MAGI2: variants seen among roughly 807,000 people sequenced by gnomAD.
MAGI2 encodes the protein membrane-associated guanylate kinase, WW and PDZ domain-containing protein 2.
MAGI2 carries 35 observed loss-of-function variants against 133.3 expected under a neutral mutation model. That is an observed-to-expected ratio of 0.26 (90% CI 0.20 to 0.35). The LOEUF is 0.35. MAGI2 is among the 10% of genes least tolerant of loss of function. MAGI2 has a pLI of 1.00. For synonymous variants in MAGI2, 729 were observed against 710.6 expected (o/e 1.03, Z -0.41); for missense variants, 1,636 against 1,863.4 (o/e 0.88, Z 2.25).
At chr7:79,058,908 C>T (rs1813438289) in intron 1 of MAGI2, among the ~76,000 whole-genome samples, 1 of 151,898 alleles carries the variant, frequency 6.6e-6, no homozygotes. Context: ...AGATAAGGGA[C>T]AAATAATAGC....
chr7:78,948,284 T>C (rs1801594667), intron 2 of MAGI2, among the ~76,000 whole-genome samples: 1 of 152,094 alleles, frequency 6.6e-6, no homozygotes, highest in South Asian at 2.1e-4. Flanking sequence ...ATTATTTTAA[T>C]GCAACTTTTA....
At chr7:78,178,374 A>G (rs1826863874) in intron 13 of MAGI2, among the ~76,000 whole-genome samples, 1 of 152,166 alleles carries the variant, frequency 6.6e-6, no homozygotes, top group Non-Finnish European at 1.5e-5. Context: ...GAGTAAAAAA[A>G]TTGATGCCTT....
chr7:78,900,023 C>T lies in MAGI2; in HGVS notation c.418+107067G>A, dbSNP rs191842683. Among the ~76,000 whole-genome samples the T allele has an allele frequency of 4.3e-4, 66 of 152,280 alleles. No individual in the cohort carries two copies. The East Asian group carries it at 0.012, about 28-fold the overall frequency. On this transcript the variant is annotated intron_variant, in intron 2 of 21. Coordinates refer to ENST00000354212, the MANE Select transcript of MAGI2 (RefSeq NM_012301.4). The stretch of plus-strand genomic sequence containing the variant: ...GTGGATGCATTCTGAGATCCATTTA[C>T]TAAAGTGAAAGGGACCCAAATCCTT...
At chr7:78,533,782 AG>A (rs1797661971) in intron 3 of MAGI2, among the ~76,000 whole-genome samples, 1 of 152,242 alleles carries the variant, frequency 6.6e-6, no homozygotes, top group East Asian at 1.9e-4. Context: ...TCTGAAAAAA[AG>A]TAAGACTCAA....
chr7:78,557,962 C>G (rs1799997432), intron 3 of MAGI2, among the ~76,000 whole-genome samples: 1 of 125,082 alleles, frequency 8.0e-6, no homozygotes, highest in African/African-American at 3.0e-5. Context: ...CTCTTTAGTA[C>G]TTTATTGGAA....
At chr7:78,597,729 G>A (rs1452140116) in intron 3 of MAGI2, among the ~76,000 whole-genome samples, 5 of 152,132 alleles carry the variant, frequency 3.3e-5, no homozygotes, top group African/African-American at 1.2e-4. Flanking sequence ...GACAATTATT[G>A]CAGTAGGGAT....
intron 1 of MAGI2, among the ~76,000 whole-genome samples, chr7:79,367,455 G>C (rs1842773878): frequency 6.6e-6 from 1 of 152,146 alleles, no homozygotes; most frequent in Admixed American, 6.5e-5. Flanking sequence ...CAATGCAGCA[G>C]AGAGTTAAAG....
At position 78,058,581 on chromosome 7, in the gene MAGI2, C is replaced by G. The variant is rs151088498; in HGVS notation, c.3706+20366G>C. Among the ~76,000 whole-genome samples the G allele has an allele frequency of 5.3e-3, 799 of 151,756 alleles. 7 individuals carry two copies. The highest frequency in any genetic ancestry group is 0.018 in the African/African-American group (744 of 41,332). ...CCGCCTCCCGGGTTCAAGCGATTCT[C>G]TTGCCTCAGCCTCCTGGGTAGCTGG... On this transcript the variant is annotated intron_variant, in intron 21 of 21. Coordinates refer to ENST00000354212, the MANE Select transcript of MAGI2 (RefSeq NM_012301.4).
At chr7:78,573,399 T>C (rs1418882933) in intron 3 of MAGI2, among the ~76,000 whole-genome samples, 6 of 70,022 alleles carry the variant, frequency 8.6e-5, no homozygotes, top group African/African-American at 2.8e-4. Flanking sequence ...TATATATATA[T>C]ATATAGGCTG....
chr7:78,174,301 C>T (rs1826385099), intron 14 of MAGI2, among the ~76,000 whole-genome samples: 1 of 152,126 alleles, frequency 6.6e-6, no homozygotes, highest in Non-Finnish European at 1.5e-5. Flanking sequence ...TCAGTGTATT[C>T]CGGAACAAAC....
chr7:78,927,392 G>T (rs2151648410), intron 2 of MAGI2, among the ~76,000 whole-genome samples: 1 of 152,080 alleles, frequency 6.6e-6, no homozygotes, highest in East Asian at 1.9e-4. Context: ...GCTAAATTAT[G>T]AATAGCTGGT....
intron 1 of MAGI2, among the ~76,000 whole-genome samples, chr7:79,051,910 CTA>C (rs553162570): frequency 2.0e-5 from 3 of 151,312 alleles, no homozygotes; most frequent in Non-Finnish European, 2.9e-5. Flanking sequence ...CTCTCTCTTT[CTA>C]TATATATATA....
At chr7:78,577,525 A>T (rs908079671) in intron 3 of MAGI2, among the ~76,000 whole-genome samples, 1 of 152,200 alleles carries the variant, frequency 6.6e-6, no homozygotes, top group African/African-American at 2.4e-5. Context: ...TTGTGTGAGC[A>T]ATAAAGCTGT....
chr7:78,087,506 A>T (rs943723228), intron 20 of MAGI2, among the ~76,000 whole-genome samples: 1 of 152,234 alleles, frequency 6.6e-6, no homozygotes, highest in Admixed American at 6.5e-5. Context: ...GAAGAGATAA[A>T]AAAAGTAATA....
intron 2 of MAGI2, among the ~76,000 whole-genome samples, chr7:78,838,261 G>T (rs997554233): frequency 6.6e-6 from 1 of 151,998 alleles, no homozygotes; most frequent in African/African-American, 2.4e-5. Flanking sequence ...CTAAAAGACA[G>T]ATATAAATCT....
intron 1 of MAGI2, among the ~76,000 whole-genome samples, chr7:79,435,435 T>C (rs1326874491): frequency 2.0e-5 from 3 of 152,204 alleles, no homozygotes; most frequent in Admixed American, 1.3e-4. Flanking sequence ...GCATAATTTA[T>C]TGGGATATGA....
chr7:79,140,271 T>C (rs1821994193), intron 1 of MAGI2, among the ~76,000 whole-genome samples: 1 of 152,242 alleles, frequency 6.6e-6, no homozygotes, highest in African/African-American at 2.4e-5. Flanking sequence ...TGTTTATTTC[T>C]TGTTTTCTCA....
intron 1 of MAGI2, among the ~76,000 whole-genome samples, chr7:79,118,657 G>C (rs1274834632): frequency 2.0e-5 from 3 of 152,076 alleles, no homozygotes. Context: ...TGTTTAAAAT[G>C]AAAATTCACT....
intron 2 of MAGI2, among the ~76,000 whole-genome samples, chr7:78,889,125 A>T (rs975323893): frequency 2.0e-5 from 3 of 152,240 alleles, no homozygotes; most frequent in Non-Finnish European, 4.4e-5. Context: ...AAGAAAGGGT[A>T]TCAGTGGTGG....
Sources: gnomAD v4.1 joint callset for allele counts (sites outside exome capture counted in the v4.1 genomes callset) on GRCh38, gnomAD v4.1.1 for gene constraint, MANE v1.5 for transcripts, NCBI Gene and HGNC (gene_info 2026-07-23, HGNC 2026-07-21) for gene names.